LRRC56: variants seen among roughly 807,000 people sequenced by gnomAD.
LRRC56 encodes the protein leucine-rich repeat-containing protein 56.
In LRRC56, 41 loss-of-function variants were observed where a neutral mutation model predicts 47.8. That is an observed-to-expected ratio of 0.86 (90% CI 0.67 to 1.11). LRRC56 has a LOEUF of 1.11. LRRC56 is among the 50% of genes most tolerant of loss of function. LRRC56 has a pLI of 0.00. For synonymous variants in LRRC56, 387 were observed against 311.2 expected, an observed-to-expected ratio of 1.24 and a Z score of -2.56; for missense variants, 759 against 704.2, an observed-to-expected ratio of 1.08 and a Z score of -0.88.
chr11:542,679 C>T (rs1041973978), intron 5 of LRRC56, among the ~76,000 whole-genome samples: 7 of 151,852 alleles, frequency 4.6e-5, no homozygotes, highest in African/African-American at 9.7e-5. Flanking sequence ...TGCTCCCTCC[C>T]GTGCGTGCAC....
upstream of LRRC56, chr11:533,368 G>A (rs1366671798): frequency 6.2e-6 from 10 of 1,607,722 alleles, no homozygotes; most frequent in Non-Finnish European, 8.5e-6. Context: ...CCTGTGTCAA[G>A]GGAGAGGGTC....
chr11:545,418 A>G (rs538311427), intron 6 of LRRC56, among the ~76,000 whole-genome samples: 9 of 152,260 alleles, frequency 5.9e-5, no homozygotes, highest in Admixed American at 2.0e-4. Context: ...AAGAACGGCA[A>G]CCACCAGCCA....
At position 550,098 on chromosome 11, in the gene LRRC56, C is replaced by A. The variant is rs576326178; in HGVS notation, c.450C>A (p.Ile150=). The A allele has an allele frequency of 4.3e-6, 7 of 1,613,060 alleles. No individual in the cohort carries two copies. The South Asian group carries it at 4.4e-5, about 10-fold the overall frequency. ...AACTCTACGCCTCCTACAACAACATCTCGGACCTGAGCCCACTGTGCCTGC... is the reference window on the plus strand; with the variant it reads ...AACTCTACGCCTCCTACAACAACATATCGGACCTGAGCCCACTGTGCCTGC... The part of the protein sequence containing the change: ...LKELYASYNN[I]SDLSPLCLLE... Residue 150 remains isoleucine, a synonymous_variant, in exon 8 of 14, where the codon ATC becomes ATA. Coordinates refer to ENST00000270115, the MANE Select transcript of LRRC56 (RefSeq NM_198075.4).
In LRRC56 at chr11:541,837, G is replaced by A. The variant is rs1427661846; in HGVS notation, c.265+213G>A. On this transcript the variant is annotated intron_variant, in intron 5 of 13. Coordinates refer to ENST00000270115, the MANE Select transcript of LRRC56 (RefSeq NM_198075.4). This position sits in a 1 kb window ranked among gnomAD's most constrained non-coding sequence, Gnocchi z 4.1. ...CACACCACACCAGTACCCCCAGCAC[G>A]CTCAGTACCCCACACACCCACACCA... 2.0e-5 allele frequency among the ~76,000 whole-genome samples: 3 copies of A among 148,476 alleles called. No individual in the cohort carries two copies. The highest frequency in any genetic ancestry group is 2.0e-4 in the East Asian group (1 of 5,056).
At chr11:546,425 G>A (rs943745941) in intron 6 of LRRC56, among the ~76,000 whole-genome samples, 16 of 152,120 alleles carry the variant, frequency 1.1e-4, no homozygotes, top group Admixed American at 2.0e-4. Context: ...AAAATTAGCC[G>A]GGCGTGGTGG....
the LRRC56 span, among the ~76,000 whole-genome samples, chr11:512,383 G>A: frequency 4.6e-5 from 7 of 152,016 alleles, no homozygotes; most frequent in African/African-American, 7.2e-5. Flanking sequence ...ACAGGTGCCC[G>A]CCACCACACT....
At chr11:521,916 A>AG in the LRRC56 span, among the ~76,000 whole-genome samples, 1 of 151,404 alleles carries the variant, frequency 6.6e-6, no homozygotes, top group East Asian at 1.9e-4. Context: ...CTCCGTCTCA[A>AG]AAAAAAAACG....
chr11:525,566 C>A, the LRRC56 span, among the ~76,000 whole-genome samples: 1 of 143,840 alleles, frequency 7.0e-6, no homozygotes, highest in Non-Finnish European at 1.5e-5. Flanking sequence ...AAAAAAAAAT[C>A]TCAAAAACAT....
rs1310536526 is a variant in LRRC56 at position 540,658 on chromosome 11, G to C, written c.-11-16G>C. 3.7e-6 allele frequency: 6 copies of C among 1,608,838 alleles called. No homozygotes were observed. Among genetic ancestry groups the C allele is most frequent in the Non-Finnish European group, 5.1e-6 (6 of 1,177,876 alleles). On this transcript the variant is annotated splice_polypyrimidine_tract_variant and intron_variant, in intron 3 of 13. Transcript: ENST00000270115. ...GAGCAACAGCGTGGAGCTTTGCACT[G>C]TGCCTCTGTCAGCAGGTGACATGTG...
Position 554,342 on chromosome 11 carries a change from G to C in LRRC56, c.*66G>C. 1 of 1,361,296 alleles carries C rather than the reference G, an allele frequency of 7.3e-7. No homozygotes were observed. 84.3% of individuals were successfully genotyped at this position (1,361,296 alleles called of 1,614,324 possible). A position where few individuals can be genotyped will look rare whatever the true frequency, so the allele number is the denominator to read the frequency against. ...ACTTGCCCACATATGTGGTCACAGAGCACAGAATACCTGGGCGGGTGTGTT... is the reference window on the plus strand; with the variant it reads ...ACTTGCCCACATATGTGGTCACAGACCACAGAATACCTGGGCGGGTGTGTT... On this transcript the variant is annotated 3_prime_UTR_variant, in exon 14 of 14. Transcript: ENST00000270115.
Position 553,967 on chromosome 11 carries a change from C to T in LRRC56, c.1320C>T (p.Pro440=), listed in dbSNP as rs971904932. Residue 440 remains proline, a synonymous_variant, in exon 14 of 14, where the codon CCC becomes CCT. Coordinates refer to ENST00000270115, the MANE Select transcript of LRRC56 (RefSeq NM_198075.4). ...ATCACTCTGCTTGCTTTCTAGAGCC[C>T]TCCGGGACCTCGAGCCAGCACCTGG... ...PSSPPSLASE[P]SGTSSQHLVP... is the part of the protein sequence containing the mutation. 4.3e-6 allele frequency: 7 copies of T among 1,611,262 alleles called. No homozygotes were observed. In the African/African-American group the frequency reaches 9.4e-5, roughly 22 times the overall value.
intron 5 of LRRC56, among the ~76,000 whole-genome samples, chr11:544,156 G>C (rs532106014): frequency 7.9e-5 from 12 of 152,380 alleles, no homozygotes; most frequent in African/African-American, 2.9e-4. Flanking sequence ...GCCTTGGGCT[G>C]TGCAGAAACA....
intron 6 of LRRC56, among the ~76,000 whole-genome samples, chr11:549,092 A>G (rs1326189877): frequency 6.6e-6 from 1 of 152,116 alleles, no homozygotes; most frequent in African/African-American, 2.4e-5. Flanking sequence ...GGCCCACAGA[A>G]GGAAGCTGAA....
chr11:534,403 GCCCAGGCCCAGC>G (rs146677294), upstream of LRRC56: 216,486 of 1,103,448 alleles, frequency 0.2, 23,429 homozygotes, highest in African/African-American at 0.34. Flanking sequence ...GCTCAGCCAG[GCCCAGGCCCAGC>G]CCCAGGCCCC....
At chr11:515,848 A>G in the LRRC56 span, among the ~76,000 whole-genome samples, 1 of 152,150 alleles carries the variant, frequency 6.6e-6, no homozygotes, top group African/African-American at 2.4e-5. Flanking sequence ...AAAAAAATTA[A>G]TAGTAAATTT....
chr11:520,566 A>C, the LRRC56 span, among the ~76,000 whole-genome samples: 1 of 151,892 alleles, frequency 6.6e-6, no homozygotes, highest in African/African-American at 2.4e-5. Context: ...TGATCCGCCC[A>C]CCTCAGCCTC....
At chr11:552,425 C>T in intron 12 of LRRC56, 144 bp from the exon 13 acceptor site, 1 of 1,114,418 alleles carries the variant, frequency 9.0e-7, no homozygotes, top group Non-Finnish European at 1.3e-6. Flanking sequence ...TGGACCATCC[C>T]TGTGTGTCCT....
intron 6 of LRRC56, among the ~76,000 whole-genome samples, chr11:548,595 C>A (rs1189773854): frequency 6.6e-6 from 1 of 151,862 alleles, no homozygotes; most frequent in Non-Finnish European, 1.5e-5. Flanking sequence ...AGTGCTGGGA[C>A]TACAGGCACC....
Position 552,138 on chromosome 11 carries a change from G to A in LRRC56, c.1087G>A (p.Ala363Thr), listed in dbSNP as rs962446085. The change falls in exon 12 of 14, where the codon GCC (alanine) becomes ACC (threonine). Residue 363 changes from alanine to threonine, a missense_variant. Physicochemically the swap from Ala to Thr is moderately conservative, Grantham distance 58. Coordinates refer to ENST00000270115, the MANE Select transcript of LRRC56 (RefSeq NM_198075.4). ...GCCCCAACACAGGCCAGGAGATCCG[G>A]CCGCCAGCACTTCCACCCCAGAGCC... is the stretch of plus-strand genomic sequence containing the variant. ...QLPQHRPGDP[A>T]ASTSTPEPDP... 1 of 1,612,618 alleles carries A rather than the reference G, an allele frequency of 6.2e-7. No homozygotes were observed. Among genetic ancestry groups the A allele is most frequent in the South Asian group, 1.1e-5 (1 of 91,078 alleles).
Sources: allele counts gnomAD v4.1 joint callset (sites outside exome capture counted in the v4.1 genomes callset), GRCh38; gene constraint gnomAD v4.1.1; non-coding constraint Gnocchi (gnomAD v3.1); transcripts MANE v1.5; gene names NCBI Gene and HGNC (gene_info 2026-07-23, HGNC 2026-07-21).